AKAP19: variants seen among roughly 807,000 people sequenced by gnomAD.
AKAP19 encodes the protein small A-kinase anchoring protein.
chr2:190,035,329 G>A, the AKAP19 span, among the ~76,000 whole-genome samples: 1 of 152,006 alleles, frequency 6.6e-6, no homozygotes, highest in African/African-American at 2.4e-5. Context: ...TACTCAGGAG[G>A]CTGAGGCAGG....
At chr2:190,103,142 C>A in the AKAP19 span, among the ~76,000 whole-genome samples, 1 of 152,110 alleles carries the variant, frequency 6.6e-6, no homozygotes, top group South Asian at 2.1e-4. Context: ...ACCTAACATC[C>A]TTTACTGAAA....
chr2:190,133,025 A>G, the AKAP19 span, among the ~76,000 whole-genome samples: 4 of 152,066 alleles, frequency 2.6e-5, no homozygotes, highest in Non-Finnish European at 4.4e-5. Flanking sequence ...TCATGAGGTC[A>G]GGAGATAGAG....
At chr2:189,986,442 G>C in the AKAP19 span, among the ~76,000 whole-genome samples, 1 of 152,000 alleles carries the variant, frequency 6.6e-6, no homozygotes, top group South Asian at 2.1e-4. Flanking sequence ...AATCATCTGG[G>C]TCCCTGAATG....
chr2:189,923,551 C>A, the AKAP19 span: 1 of 1,613,896 alleles, frequency 6.2e-7, no homozygotes, highest in African/African-American at 1.3e-5. Flanking sequence ...GAGAGGATGG[C>A]AGAATGATTG....
chr2:190,023,793 G>GTATA, the AKAP19 span, among the ~76,000 whole-genome samples: 1 of 59,498 alleles, frequency 1.7e-5, no homozygotes, highest in East Asian at 5.9e-4. Context: ...TAATGTGTGT[G>GTATA]TGTATATATA....
At chr2:190,110,286 A>G in the AKAP19 span, among the ~76,000 whole-genome samples, 1 of 152,244 alleles carries the variant, frequency 6.6e-6, no homozygotes, top group South Asian at 2.1e-4. Context: ...AACATTTCAG[A>G]TAAAATATCA....
chr2:189,915,117 T>G, the AKAP19 span, among the ~76,000 whole-genome samples: 1 of 152,106 alleles, frequency 6.6e-6, no homozygotes, highest in African/African-American at 2.4e-5. Flanking sequence ...GAGCTTCACT[T>G]CTTGGTATCT....
At chr2:190,150,528 C>T in the AKAP19 span, 1 of 152,290 alleles carries the variant, frequency 6.6e-6, no homozygotes, top group South Asian at 2.1e-4. Context: ...GTCTCCCTTT[C>T]CCAATTCTGC....
the AKAP19 span, among the ~76,000 whole-genome samples, chr2:190,133,350 T>C: frequency 2.6e-5 from 4 of 151,736 alleles, no homozygotes. Flanking sequence ...TCAACATCAT[T>C]AATCATCAGG....
At chr2:190,057,326 T>C in the AKAP19 span, 2 of 1,613,492 alleles carry the variant, frequency 1.2e-6, no homozygotes, top group Non-Finnish European at 1.7e-6. Context: ...TCTTTGCCAT[T>C]AAAATATAGC....
chr2:190,004,923 A>C, the AKAP19 span, among the ~76,000 whole-genome samples: 1 of 152,204 alleles, frequency 6.6e-6, no homozygotes, highest in Non-Finnish European at 1.5e-5. Context: ...CTGTGTCCGC[A>C]ATTCATTCCT....
At chr2:189,952,386 G>A in the AKAP19 span, among the ~76,000 whole-genome samples, 1 of 151,980 alleles carries the variant, frequency 6.6e-6, no homozygotes, top group African/African-American at 2.4e-5. Flanking sequence ...TGAGCTTCCA[G>A]TCTTCCAAAC....
the AKAP19 span, among the ~76,000 whole-genome samples, chr2:189,942,350 G>A: frequency 2.0e-5 from 3 of 152,184 alleles, no homozygotes; most frequent in African/African-American, 4.8e-5. Context: ...TAAGCTTCCC[G>A]AGGCTCCCCT....
the AKAP19 span, among the ~76,000 whole-genome samples, chr2:190,133,234 CCA>C: frequency 3.4e-5 from 1 of 29,792 alleles, no homozygotes. Flanking sequence ...CGAGACTCTG[CCA>C]AAAAAAAAAA....
At chr2:190,043,281 A>T in the AKAP19 span, among the ~76,000 whole-genome samples, 1 of 152,180 alleles carries the variant, frequency 6.6e-6, no homozygotes, top group African/African-American at 2.4e-5. Context: ...ATATCCTGAA[A>T]TATGTTTTCC....
the AKAP19 span, among the ~76,000 whole-genome samples, chr2:190,050,420 T>C: frequency 6.6e-6 from 1 of 152,172 alleles, no homozygotes; most frequent in Non-Finnish European, 1.5e-5. Context: ...ATGTTAAAAA[T>C]TGGAAGGTAC....
At chr2:190,115,311 T>A in the AKAP19 span, among the ~76,000 whole-genome samples, 221 of 23,612 alleles carry the variant, frequency 9.4e-3, no homozygotes, top group Non-Finnish European at 0.012. Flanking sequence ...ATTTTTTTTT[T>A]TTTTTTTTTT....
the AKAP19 span, among the ~76,000 whole-genome samples, chr2:190,048,441 C>G: frequency 2.6e-5 from 4 of 152,144 alleles, no homozygotes; most frequent in Non-Finnish European, 5.9e-5. Context: ...TGATGTATAT[C>G]CAATCACTAC....
chr2:189,891,557 C>T, the AKAP19 span, among the ~76,000 whole-genome samples: 1 of 152,044 alleles, frequency 6.6e-6, no homozygotes, highest in Non-Finnish European at 1.5e-5. Context: ...TGAATATTGG[C>T]CCGCGCTCTC....
Sources: gnomAD v4.1 joint callset for allele counts (sites outside exome capture counted in the v4.1 genomes callset) on GRCh38, gnomAD v4.1.1 for gene constraint, MANE v1.5 for transcripts, NCBI Gene and HGNC (gene_info 2026-07-23, HGNC 2026-07-21) for gene names.